MACROD2: variants seen among roughly 807,000 people sequenced by gnomAD.
The protein encoded by MACROD2 is ADP-ribose glycohydrolase MACROD2.
MACROD2 carries 36 observed loss-of-function variants against 70.4 expected under a neutral mutation model. The ratio of observed to expected loss-of-function variants is 0.51; its 90% CI spans 0.39 to 0.68. MACROD2 has a LOEUF of 0.68. Among genes scored for constraint, MACROD2 ranks in the 30% least tolerant of loss-of-function variants. The pLI is 0.00. For synonymous variants in MACROD2, 172 were observed against 178.8 expected, an observed-to-expected ratio of 0.96 and a Z score of 0.30; for missense variants, 496 against 538.4, an observed-to-expected ratio of 0.92 and a Z score of 0.78.
intron 3 of MACROD2, among the ~76,000 whole-genome samples, chr20:14,472,954 C>CT (rs1462217074): frequency 2.6e-5 from 4 of 152,036 alleles, no homozygotes; most frequent in African/African-American, 9.6e-5. Flanking sequence ...GATAATGAGG[C>CT]TGGAGAGGTA....
At chr20:15,097,595 C>T (rs6110515) in intron 5 of MACROD2, among the ~76,000 whole-genome samples, 60,496 of 151,910 alleles carry the variant, frequency 0.4, 12,547 homozygotes, top group East Asian at 0.53. Flanking sequence ...GTGAACAATA[C>T]AATTCAATGG....
chr20:14,645,629 C>T (rs1247332620), intron 4 of MACROD2, among the ~76,000 whole-genome samples: 2 of 151,926 alleles, frequency 1.3e-5, no homozygotes, highest in Non-Finnish European at 2.9e-5. Flanking sequence ...TGTAAGATTT[C>T]TAGAGCATCG....
chr20:15,217,392 T>C (rs942788505), intron 5 of MACROD2, among the ~76,000 whole-genome samples: 1 of 152,112 alleles, frequency 6.6e-6, no homozygotes, highest in African/African-American at 2.4e-5. Flanking sequence ...GCAGATATTA[T>C]CCTATTTTTT....
chr20:14,071,205 A>G (rs1237902734), intron 2 of MACROD2, among the ~76,000 whole-genome samples: 1 of 149,426 alleles, frequency 6.7e-6, no homozygotes, highest in Non-Finnish European at 1.5e-5. Context: ...TATAATCTTA[A>G]AAGTTATGCT....
intron 5 of MACROD2, among the ~76,000 whole-genome samples, chr20:15,114,654 C>G (rs1436082388): frequency 1.3e-5 from 2 of 152,222 alleles, no homozygotes; most frequent in African/African-American, 4.8e-5. Context: ...CCAAGACATA[C>G]AAAATGTATT....
At chr20:15,658,829 G>A (rs1022578982) in intron 8 of MACROD2, among the ~76,000 whole-genome samples, 1 of 152,164 alleles carries the variant, frequency 6.6e-6, no homozygotes, top group African/African-American at 2.4e-5. Flanking sequence ...CCAGTGATAT[G>A]TTGGTGCAAT....
Position 14,931,912 on chromosome 20 carries a change from G to A in MACROD2, c.418+246953G>A, listed in dbSNP as rs528476165. Among the ~76,000 whole-genome samples, 188 of 151,744 alleles carry A rather than the reference G, an allele frequency of 1.2e-3. 1 individual carries two copies. Among genetic ancestry groups the A allele is most frequent in the Non-Finnish European group, 1.6e-3 (108 of 67,968 alleles). On this transcript the variant is annotated intron_variant, in intron 5 of 17. Coordinates refer to ENST00000684519, the MANE Select transcript of MACROD2 (RefSeq NM_001351661.2). Reference sequence around the variant, plus strand: ...AGCTACTTGGGAGGCTGAGCTGGGAGGATCACTTCAGCCCAGGAGTTCGAG... The same window carrying A: ...AGCTACTTGGGAGGCTGAGCTGGGAAGATCACTTCAGCCCAGGAGTTCGAG...
At chr20:14,796,974 C>G (rs1600672522) in intron 5 of MACROD2, among the ~76,000 whole-genome samples, 1 of 152,010 alleles carries the variant, frequency 6.6e-6, no homozygotes. Context: ...AGCTCACACT[C>G]TTTCTTCCAT....
chr20:15,286,043 C>T (rs2077488165), intron 6 of MACROD2, among the ~76,000 whole-genome samples: 1 of 151,890 alleles, frequency 6.6e-6, no homozygotes, highest in Non-Finnish European at 1.5e-5. Flanking sequence ...AGGAAGGAGT[C>T]TTTCTTGCTT....
At chr20:14,579,387 C>A (rs1417387298) in intron 4 of MACROD2, among the ~76,000 whole-genome samples, 1 of 151,320 alleles carries the variant, frequency 6.6e-6, no homozygotes, top group South Asian at 2.1e-4. Flanking sequence ...ATGATCCACC[C>A]GCCTCGGCCT....
chr20:14,626,602 A>T (rs996278792), intron 4 of MACROD2, among the ~76,000 whole-genome samples: 1 of 152,142 alleles, frequency 6.6e-6, no homozygotes, highest in Non-Finnish European at 1.5e-5. Context: ...GCGTGGTAAG[A>T]TTTCCATCAA....
chr20:14,507,289 T>TA (rs1249768509), intron 4 of MACROD2, among the ~76,000 whole-genome samples: 7 of 151,930 alleles, frequency 4.6e-5, no homozygotes, highest in East Asian at 1.9e-4. Flanking sequence ...ATATATGTTG[T>TA]AAAAAAATAT....
intron 3 of MACROD2, among the ~76,000 whole-genome samples, chr20:14,306,309 A>G (rs1429876503): frequency 1.3e-5 from 2 of 152,068 alleles, no homozygotes; most frequent in African/African-American, 4.8e-5. Context: ...TAAGAAAGTC[A>G]TATGTGTCAT....
chr20:14,471,050 G>A (rs1018811835), intron 3 of MACROD2, among the ~76,000 whole-genome samples: 5 of 152,154 alleles, frequency 3.3e-5, no homozygotes, highest in African/African-American at 1.2e-4. Context: ...GGCCCTGGTG[G>A]TGTAGGCACC....
At chr20:14,297,499 T>C (rs1568543206) in intron 3 of MACROD2, among the ~76,000 whole-genome samples, 1 of 151,918 alleles carries the variant, frequency 6.6e-6, no homozygotes, top group Non-Finnish European at 1.5e-5. Flanking sequence ...GGAGAAAGTT[T>C]GAGTGGTCTG....
intron 3 of MACROD2, among the ~76,000 whole-genome samples, chr20:14,471,240 C>A (rs1183926262): frequency 6.8e-6 from 1 of 146,862 alleles, no homozygotes; most frequent in Non-Finnish European, 1.5e-5. Context: ...GGCTAGCCCT[C>A]CGTGGGCTGC....
chr20:15,159,994 C>T (rs987035913), intron 5 of MACROD2, among the ~76,000 whole-genome samples: 4 of 151,760 alleles, frequency 2.6e-5, no homozygotes, highest in Non-Finnish European at 4.4e-5. Flanking sequence ...GAGACTAAGC[C>T]CAATGGCTTA....
intron 5 of MACROD2, among the ~76,000 whole-genome samples, chr20:14,991,145 AC>A (rs1287774373): frequency 1.3e-5 from 2 of 152,106 alleles, no homozygotes; most frequent in Admixed American, 6.5e-5. Flanking sequence ...GGCTTGAGAC[AC>A]TTTCCACCTT....
chr20:14,484,876 A>C (rs1296106613), intron 3 of MACROD2, among the ~76,000 whole-genome samples: 4 of 152,202 alleles, frequency 2.6e-5, no homozygotes, highest in Non-Finnish European at 5.9e-5. Flanking sequence ...AATCTTGGCT[A>C]TTGTGAATAG....
Sources: gnomAD v4.1 joint callset for allele counts (sites outside exome capture counted in the v4.1 genomes callset) on GRCh38, gnomAD v4.1.1 for gene constraint, MANE v1.5 for transcripts, NCBI Gene and HGNC (gene_info 2026-07-23, HGNC 2026-07-21) for gene names.